MDH1: variants seen among roughly 807,000 people sequenced by gnomAD.
MDH1 encodes the protein malate dehydrogenase, cytoplasmic.
MDH1 carries 15 observed loss-of-function variants against 38.7 expected under a neutral mutation model. The ratio of observed to expected loss-of-function variants is 0.39; its 90% CI spans 0.26 to 0.60. The LOEUF is 0.60. MDH1 is among the 20% of genes least tolerant of loss of function. MDH1 has a pLI of 0.56. For missense variants in MDH1, 368 were observed against 405.2 expected (o/e 0.91, Z 0.79); for synonymous variants, 144 against 143.6 (o/e 1.00, Z -0.02).
intron 3 of MDH1, 144 bp from the exon 4 acceptor site, chr2:63,597,255 T>A: frequency 8.1e-7 from 1 of 1,231,676 alleles, no homozygotes; most frequent in Non-Finnish European, 1.0e-6. Context: ...TATATTATCT[T>A]TCTCAGGCTC....
In MDH1 at chr2:63,588,967, C is replaced by A; in HGVS notation, c.-77C>A. On this transcript the variant is annotated 5_prime_UTR_variant, in exon 1 of 9. Coordinates refer to ENST00000233114, the MANE Select transcript of MDH1 (RefSeq NM_005917.4). ...CTAACACCGCTCGCCCTCTCCGAGT[C>A]AGTTCCGCGGTAGAGGTGACCTGAC... 1.2e-6 allele frequency: 2 copies of A among 1,606,206 alleles called. No homozygotes were observed. Among genetic ancestry groups the A allele is most frequent in the South Asian group, 2.2e-5 (2 of 90,824 alleles).
chr2:63,593,283 G>T (rs1203107730), intron 1 of MDH1: 7 of 207,762 alleles, frequency 3.4e-5, no homozygotes, highest in Non-Finnish European at 6.1e-5. Flanking sequence ...TAGTAGAGAC[G>T]GGGTTTCTCC....
intron 3 of MDH1, among the ~76,000 whole-genome samples, chr2:63,595,772 T>A (rs1035656581): frequency 6.6e-6 from 1 of 152,210 alleles, no homozygotes; most frequent in Non-Finnish European, 1.5e-5. Flanking sequence ...ATTATACCAG[T>A]TAAGTGTAAT....
At chr2:63,595,572 A>G in intron 3 of MDH1, 53 bp downstream of exon 3, 1 of 1,192,108 alleles carries the variant, frequency 8.4e-7, no homozygotes, top group Non-Finnish European at 1.2e-6. Flanking sequence ...CTTACAAAAT[A>G]CAGGTTTTAG....
intron 5 of MDH1, among the ~76,000 whole-genome samples, chr2:63,602,454 T>C (rs1164157908): frequency 6.6e-6 from 1 of 150,986 alleles, no homozygotes; most frequent in Admixed American, 6.6e-5. Flanking sequence ...CCATTGATGG[T>C]ACCTTACATA....
At position 63,606,013 on chromosome 2, in the gene MDH1, C is replaced by T. The variant is rs1374130547; in HGVS notation, c.864C>T (p.Phe288=). Residue 288 remains phenylalanine (F), a synonymous_variant, in exon 8 of 9, where the codon TTC becomes TTT. Coordinates refer to ENST00000233114, the MANE Select transcript of MDH1 (RefSeq NM_005917.4). ...YGVPDDLLYS[F]PVVIKNKTWK... is the part of the protein sequence containing the mutation. ...TTCCTGATGATCTGCTCTACTCATT[C>T]CCTGTTGTAATCAAGGTAAGGTATT... 3.7e-6 allele frequency: 6 copies of T among 1,613,880 alleles called. No individual in the cohort carries two copies. The Admixed American group carries it at 1.0e-4, about 27-fold the overall frequency.
chr2:63,597,749 A>G (rs759642510), intron 4 of MDH1, 175 bp downstream of exon 4: 8 of 466,870 alleles, frequency 1.7e-5, no homozygotes, highest in Admixed American at 8.9e-5. Context: ...TTTTTCTTAC[A>G]GTATAGAAAT....
At chr2:63,596,036 C>T (rs1709305612) in intron 3 of MDH1, among the ~76,000 whole-genome samples, 1 of 152,140 alleles carries the variant, frequency 6.6e-6, no homozygotes, top group Non-Finnish European at 1.5e-5. Context: ...TTGTCCTTAC[C>T]ATATGCTCTA....
intron 1 of MDH1, chr2:63,590,765 A>G (rs1355903633): frequency 2.0e-5 from 3 of 152,198 alleles, no homozygotes; most frequent in Non-Finnish European, 4.4e-5. Flanking sequence ...GAGACAGAAC[A>G]TGAGGAAGAA....
At chr2:63,593,329 G>C (rs1709238438) in intron 1 of MDH1, 1 of 284,046 alleles carries the variant, frequency 3.5e-6, no homozygotes, top group Non-Finnish European at 7.2e-6. Flanking sequence ...CCCAACCTCA[G>C]GTGATCCGCC....
chr2:63,594,797 T>A, intron 2 of MDH1: 1 of 453,334 alleles, frequency 2.2e-6, no homozygotes, highest in East Asian at 4.1e-5. Context: ...AACTCTTCCA[T>A]ATATTGTACT....
intron 5 of MDH1, among the ~76,000 whole-genome samples, chr2:63,603,898 C>A (rs768144534): frequency 3.9e-5 from 6 of 152,218 alleles, no homozygotes; most frequent in Non-Finnish European, 8.8e-5. Flanking sequence ...CTCAGGTGAT[C>A]TGCCCGCCTT....
intron 5 of MDH1, chr2:63,599,671 G>T (rs1709385651): frequency 1.3e-5 from 2 of 152,808 alleles, no homozygotes; most frequent in Admixed American, 1.3e-4. Context: ...AGCTTTGTGT[G>T]ATTGTGTGGT....
rs1279328271 is a variant in MDH1, at chr2:63,589,318, G to T, written c.3+272G>T. 4 of 1,550,684 alleles carry T rather than the reference G, an allele frequency of 2.6e-6. No individual in the cohort carries two copies. In the South Asian group the frequency reaches 4.8e-5, roughly 18 times the overall value. Reference sequence around the variant, plus strand: ...GCGATCTTAATCCTGCTGCATGACGGGAGGACAAAATGCGACGCTGCAGCT... The same window carrying T: ...GCGATCTTAATCCTGCTGCATGACGTGAGGACAAAATGCGACGCTGCAGCT... On this transcript the variant is annotated intron_variant, in intron 1 of 8. Transcript: ENST00000233114.
chr2:63,589,417 C>G, intron 1 of MDH1: 1 of 1,539,596 alleles, frequency 6.5e-7, no homozygotes, highest in Non-Finnish European at 8.8e-7. Flanking sequence ...TGGGTCCTAA[C>G]CCCTTTTTCT....
intron 1 of MDH1, chr2:63,590,665 A>C (rs1231750465): frequency 6.6e-6 from 1 of 152,220 alleles, no homozygotes; most frequent in East Asian, 1.9e-4. Context: ...AATTTTCCCA[A>C]GGTCACAGAG....
At chr2:63,604,957 G>A (rs1709499646) in intron 6 of MDH1, 85 bp downstream of exon 6, 2 of 1,371,632 alleles carry the variant, frequency 1.5e-6, no homozygotes, top group South Asian at 2.7e-5. Flanking sequence ...AAAGAGGGCA[G>A]GTCTTTCACA....
chr2:63,592,427 T>C (rs1293692649), intron 1 of MDH1, among the ~76,000 whole-genome samples: 2 of 152,208 alleles, frequency 1.3e-5, no homozygotes, highest in Non-Finnish European at 2.9e-5. Context: ...AATGGCTCAC[T>C]GTAGCCTTAA....
In MDH1 at chr2:63,597,424, C is replaced by T. The variant is rs748664587; in HGVS notation, c.225C>T (p.Asp75=). Residue 75 remains aspartate (D), a synonymous_variant, in exon 4 of 9, where the codon GAC becomes GAT. Transcript: ENST00000233114. ...LKDVIATDKE[D]VAFKDLDVAI... ...ATGTCATCGCAACAGATAAAGAAGA[C>T]GTTGCCTTCAAAGACCTGGATGTGG... 8.3e-6 allele frequency: 12 copies of T among 1,445,188 alleles called. No individual in the cohort carries two copies. Among genetic ancestry groups the T allele is most frequent in the South Asian group, 3.1e-5 (2 of 64,978 alleles). The allele number at this position is 1,445,188 out of a possible 1,614,324, so 89.5% of individuals were successfully genotyped here.
Sources: allele counts gnomAD v4.1 joint callset (sites outside exome capture counted in the v4.1 genomes callset), GRCh38; gene constraint gnomAD v4.1.1; transcripts MANE v1.5; gene names NCBI Gene and HGNC (gene_info 2026-07-23, HGNC 2026-07-21).